CCDC22: variants seen among roughly 807,000 people sequenced by gnomAD.
CCDC22 encodes the protein coiled-coil domain-containing protein 22.
CCDC22 carries 4 observed loss-of-function variants against 53.1 expected under a neutral mutation model. The ratio of observed to expected loss-of-function variants is 0.08; its 90% CI spans 0.04 to 0.17. The LOEUF (loss-of-function observed/expected upper bound fraction) is 0.17. Among genes scored for constraint, CCDC22 ranks in the 10% least tolerant of loss-of-function variants. The pLI is 1.00. For missense variants in CCDC22, 458 were observed against 554.0 expected, an observed-to-expected ratio of 0.83 and a Z score of 1.74; for synonymous variants, 222 against 224.4, an observed-to-expected ratio of 0.99 and a Z score of 0.10.
chrX:49,235,532 G>A lies in CCDC22; in HGVS notation c.-105G>A. 1.3e-6 allele frequency: 1 copy of A among 746,301 alleles called. No individual in the cohort carries two copies. Among genetic ancestry groups the A allele is most frequent in the Non-Finnish European group, 2.0e-6 (1 of 488,537 alleles). 61.5% of individuals were successfully genotyped at this position (746,301 alleles called of 1,213,427 possible). On this transcript the variant is annotated 5_prime_UTR_variant, in exon 1 of 17. It adds an upstream start codon to the 5' untranslated region. Coordinates refer to ENST00000376227, the MANE Select transcript of CCDC22 (RefSeq NM_014008.5). ...CTTTCCAACTCTCCCCACACGACCC[G>A]TGACACTCTGTGGACCGCGAGCACG... is the stretch of plus-strand genomic sequence containing the variant.
intron 2 of CCDC22, among the ~76,000 whole-genome samples, chrX:49,240,169 C>T (rs2065956721): frequency 9.7e-6 from 1 of 102,988 alleles, no homozygotes; most frequent in Non-Finnish European, 2.0e-5. Flanking sequence ...AGGAGGATTG[C>T]TTGAGCCTGG....
At chrX:49,241,117 C>G (rs2065961476) in intron 2 of CCDC22, among the ~76,000 whole-genome samples, 1 of 111,957 alleles carries the variant, frequency 8.9e-6, no homozygotes, top group Admixed American at 9.5e-5. Flanking sequence ...TGGTAAGAGG[C>G]AAAGCTTGGG....
rs1416821033 is a variant in CCDC22 at position 49,247,695 on chromosome X, A to G, written c.1019A>G (p.Gln340Arg). 1.7e-6 allele frequency: 2 copies of G among 1,204,859 alleles called. No homozygotes were observed. Among genetic ancestry groups the G allele is most frequent in the African/African-American group, 3.5e-5 (2 of 57,322 alleles). ...QEQELESLRE[Q>R]LEGVNRSIEE... is the part of the protein sequence containing the mutation. ...CAGGAGCTCGAGTCCCTTCGGGAGC[A>G]GCTGGAAGGAGTGAACCGCAGCATT... Residue 340 changes from glutamine (Q) to arginine (R), a missense_variant, in exon 9 of 17, where the codon CAG becomes CGG. Gln to Arg is a conservative substitution (Grantham distance 43). This residue lies in a region of CCDC22 where 309 missense variants were observed against 312.3 expected (regional missense o/e 0.99). Transcript: ENST00000376227.
rs781929389 is a variant in CCDC22 at position 49,248,648 on chromosome X, C to T, written c.1345C>T (p.Arg449Trp). ...QDCRELESSR[R>W]LAEIQELHQS... The stretch of plus-strand genomic sequence containing the variant: ...CTCATGGCAGCTGGAATCTTCTCGA[C>T]GGCTGGCAGAGATCCAAGAACTGCA... Residue 449 changes from arginine (R) to tryptophan (W), a missense_variant, in exon 12 of 17, where the codon CGG (arginine) becomes TGG (tryptophan). Physicochemically the swap from Arg to Trp is moderately radical, Grantham distance 101. Transcript: ENST00000376227. 23 of 1,207,790 alleles carry T rather than the reference C, an allele frequency of 1.9e-5. No homozygotes were observed. The highest frequency in any genetic ancestry group is 1.5e-4 in the East Asian group (5 of 33,708).
chrX:49,246,218 T>C (rs1456026738), intron 6 of CCDC22, among the ~76,000 whole-genome samples: 4 of 111,934 alleles, frequency 3.6e-5, no homozygotes, highest in Non-Finnish European at 5.6e-5. Flanking sequence ...GTGATCTACC[T>C]ACCTTGGCCT....
In CCDC22 at chrX:49,249,387, G is replaced by A. The variant is rs1035157045; in HGVS notation, c.1636-122G>A. On this transcript the variant is annotated intron_variant, in intron 14 of 16. Transcript: ENST00000376227. ...GAGGCTGGAGGTGCACTGATACCCAGGGCTGGCTTTGTTTCATGGAGGATG... is the reference window on the plus strand; with the variant it reads ...GAGGCTGGAGGTGCACTGATACCCAAGGCTGGCTTTGTTTCATGGAGGATG... 5.4e-5 allele frequency: 48 copies of A among 891,966 alleles called. 1 individual carries two copies. Among genetic ancestry groups the A allele is most frequent in the South Asian group, 1.3e-4 (6 of 47,851 alleles). The allele number at this position is 891,966 out of a possible 1,213,427, so 73.5% of individuals were successfully genotyped here.
chrX:49,242,765 C>T (rs964325838), intron 3 of CCDC22, 121 bp from the exon 4 acceptor site: 7 of 423,364 alleles, frequency 1.7e-5, no homozygotes, highest in African/African-American at 2.5e-5. Context: ...AACGTGAGAA[C>T]GCAAGCTGGA....
intron 2 of CCDC22, among the ~76,000 whole-genome samples, chrX:49,238,346 T>C (rs1192771078): frequency 9.0e-6 from 1 of 111,512 alleles, no homozygotes; most frequent in Non-Finnish European, 1.9e-5. Context: ...CCCAAAGTGC[T>C]GAGATTACAG....
intron 2 of CCDC22, chrX:49,239,281 C>G: frequency 6.0e-6 from 1 of 165,384 alleles, no homozygotes; most frequent in Non-Finnish European, 9.9e-6. Context: ...GTCTGGCTCT[C>G]TTAACCTTTT....
At chrX:49,241,460 C>G (rs1880974178) in intron 2 of CCDC22, among the ~76,000 whole-genome samples, 1 of 98,201 alleles carries the variant, frequency 1.0e-5, no homozygotes, top group Admixed American at 1.1e-4. Context: ...GCACTCCAGC[C>G]TGAGCGACAG....
In CCDC22 at chrX:49,247,746, C is replaced by G. The variant is rs144685788; in HGVS notation, c.1070C>G (p.Thr357Ser). 392 of 1,209,533 alleles carry G rather than the reference C, an allele frequency of 3.2e-4. No homozygotes were observed. The African/African-American group carries it at 6.0e-3, about 18-fold the overall frequency. ...SIEEVEADMK[T>S]LGVSFVQAES... ...GAGGAGGTTGAGGCCGACATGAAGACCCTGGGCGTCAGCTTTGTGCAGGTA... is the reference window on the plus strand; with the variant it reads ...GAGGAGGTTGAGGCCGACATGAAGAGCCTGGGCGTCAGCTTTGTGCAGGTA... Residue 357 changes from threonine to serine, a missense_variant, in exon 9 of 17, where the codon ACC (threonine) becomes AGC (serine). By Grantham distance (58) the Thr-to-Ser change is moderately conservative. This residue lies in a region of CCDC22 where 309 missense variants were observed against 312.3 expected (regional missense o/e 0.99). Coordinates refer to ENST00000376227, the MANE Select transcript of CCDC22 (RefSeq NM_014008.5).
At chrX:49,247,012 A>G in intron 7 of CCDC22, 87 bp downstream of exon 7, 1 of 821,550 alleles carries the variant, frequency 1.2e-6, no homozygotes. Context: ...ACCTTTATCC[A>G]CACAGGTTCC....
intron 6 of CCDC22, among the ~76,000 whole-genome samples, chrX:49,246,323 C>G (rs1400399079): frequency 8.9e-6 from 1 of 112,002 alleles, no homozygotes; most frequent in Non-Finnish European, 1.9e-5. Context: ...TCAGATTTTC[C>G]CATTATCTTG....
chrX:49,243,450 C>T lies in CCDC22; in HGVS notation c.702C>T (p.Arg234=), dbSNP rs1557113740. The change falls in exon 6 of 17, where the codon CGC becomes CGT. Residue 234 remains arginine (R), a synonymous_variant. Coordinates refer to ENST00000376227, the MANE Select transcript of CCDC22 (RefSeq NM_014008.5). The part of the protein sequence containing the change: ...GDEDWVHRTS[R]LPPQEDTRAQ... The stretch of plus-strand genomic sequence containing the variant: ...AGGACTGGGTCCACCGGACATCCCG[C>T]CTCCCACCCCAGGTACAGCCAGATG... 1 of 1,174,502 alleles carries T rather than the reference C, an allele frequency of 8.5e-7. No homozygotes were observed. The highest frequency in any genetic ancestry group is 2.4e-5 in the Admixed American group (1 of 41,738).
At chrX:49,241,562 T>A (rs2065964189) in intron 2 of CCDC22, among the ~76,000 whole-genome samples, 1 of 108,348 alleles carries the variant, frequency 9.2e-6, no homozygotes, top group Admixed American at 9.9e-5. Context: ...ATCAGAACCC[T>A]CATGAGTCCT....
At chrX:49,243,051 G>A in intron 4 of CCDC22, 59 bp downstream of exon 4, 12 of 1,146,271 alleles carry the variant, frequency 1.0e-5, no homozygotes, top group Non-Finnish European at 1.4e-5. Flanking sequence ...CCAGGGTTTT[G>A]GCCCCCTACC....
At chrX:49,245,133 A>G (rs2065983109) in intron 6 of CCDC22, among the ~76,000 whole-genome samples, 1 of 94,758 alleles carries the variant, frequency 1.1e-5, no homozygotes, top group South Asian at 5.0e-4. Flanking sequence ...AGGTATCAGT[A>G]CCCCTCCCCT....
chrX:49,246,832 G>C lies in CCDC22; in HGVS notation c.816G>C (p.Leu272=), dbSNP rs1557114279. ...GGGCCCCCATACAAGCCCGGGACCT[G>C]GGAGAACTGCTGCAGGCCTGGGGTG... The part of the protein sequence containing the change: ...LLGAPIQARD[L]GELLQAWGAG... Residue 272 remains leucine, a synonymous_variant, in exon 7 of 17, where the codon CTG becomes CTC. Coordinates refer to ENST00000376227, the MANE Select transcript of CCDC22 (RefSeq NM_014008.5). 4 of 1,201,271 alleles carry C rather than the reference G, an allele frequency of 3.3e-6. No homozygotes were observed. Among genetic ancestry groups the C allele is most frequent in the Non-Finnish European group, 4.5e-6 (4 of 889,902 alleles).
intron 13 of CCDC22, 93 bp downstream of exon 13, chrX:49,249,017 AG>A: frequency 8.7e-7 from 1 of 1,145,790 alleles, no homozygotes; most frequent in Non-Finnish European, 1.2e-6. Context: ...AGAGCTGTCC[AG>A]TCACACTCTA....
Sources: allele counts gnomAD v4.1 joint callset (sites outside exome capture counted in the v4.1 genomes callset), GRCh38; gene constraint gnomAD v4.1.1; regional missense constraint gnomAD v4.1.1; transcripts MANE v1.5; gene names NCBI Gene and HGNC (gene_info 2026-07-23, HGNC 2026-07-21).